The following ADGRL2 variants were observed in gnomAD, a reference collection of about 807,000 sequenced individuals.
ADGRL2 encodes adhesion G protein-coupled receptor L2, also known as calcium-independent alpha-latrotoxin receptor 2.
A neutral mutation model predicts 157.4 loss-of-function variants in ADGRL2; 44 were observed. That is an observed-to-expected ratio of 0.28 (90% CI 0.22 to 0.36). The LOEUF is 0.36. Ranked by LOEUF, ADGRL2 falls within the 10% of genes least tolerant of loss-of-function variation. ADGRL2 has a pLI of 1.00. For missense variants in ADGRL2, 1,510 were observed against 1,768.9 expected, an observed-to-expected ratio of 0.85 and a Z score of 2.63; for synonymous variants, 585 against 624.7, an observed-to-expected ratio of 0.94 and a Z score of 0.95.
intron 2 of ADGRL2, among the ~76,000 whole-genome samples, chr1:81,498,604 G>A (rs1252830803): frequency 6.6e-6 from 1 of 152,198 alleles, no homozygotes; most frequent in East Asian, 1.9e-4. Context: ...TTTATGAGAA[G>A]AGAGTTAACA....
At chr1:81,678,124 A>T (rs752266539) in intron 3 of ADGRL2, among the ~76,000 whole-genome samples, 3 of 152,146 alleles carry the variant, frequency 2.0e-5, no homozygotes, top group Non-Finnish European at 4.4e-5. Context: ...TTCCTGCAGG[A>T]CTTATAATTA....
intron 3 of ADGRL2, among the ~76,000 whole-genome samples, chr1:81,599,585 T>C (rs992011838): frequency 6.6e-6 from 1 of 152,210 alleles, no homozygotes; most frequent in Non-Finnish European, 1.5e-5. Context: ...ATTCCAGTGA[T>C]AATGGAATTA....
intron 2 of ADGRL2, among the ~76,000 whole-genome samples, chr1:81,465,266 C>T (rs1215266197): frequency 2.0e-5 from 3 of 152,022 alleles, no homozygotes; most frequent in Admixed American, 2.0e-4. Flanking sequence ...ATACTAAGTT[C>T]TGATCTTTTT....
chr1:81,705,542 C>G (rs972582808), intron 1 of ADGRL2, among the ~76,000 whole-genome samples: 1 of 151,934 alleles, frequency 6.6e-6, no homozygotes, highest in Admixed American at 6.6e-5. Context: ...GCCATGCGCC[C>G]GGCTGGGAGC....
At chr1:81,638,679 G>A (rs2082158961) in intron 3 of ADGRL2, among the ~76,000 whole-genome samples, 1 of 152,152 alleles carries the variant, frequency 6.6e-6, no homozygotes, top group East Asian at 1.9e-4. Flanking sequence ...TTAAAAACAA[G>A]TATAACTGAT....
intron 1 of ADGRL2, among the ~76,000 whole-genome samples, chr1:81,376,742 C>A (rs1176510189): frequency 6.6e-6 from 1 of 152,144 alleles, no homozygotes; most frequent in East Asian, 1.9e-4. Context: ...AAGATGTACA[C>A]CCCAGGGGCT....
intron 17 of ADGRL2, among the ~76,000 whole-genome samples, chr1:81,977,375 T>G (rs138782467): frequency 0.017 from 2,521 of 151,918 alleles, 46 homozygotes; most frequent in South Asian, 0.06. Context: ...AAAGGATTAA[T>G]TGAGATAAGT....
intron 2 of ADGRL2, among the ~76,000 whole-genome samples, chr1:81,767,942 G>A (rs559396174): frequency 1.3e-5 from 2 of 150,766 alleles, no homozygotes; most frequent in Admixed American, 6.6e-5. Flanking sequence ...CACAACTATT[G>A]TACACAGTAA....
intron 1 of ADGRL2, among the ~76,000 whole-genome samples, chr1:81,433,803 C>T (rs2077363822): frequency 6.6e-6 from 1 of 152,182 alleles, no homozygotes; most frequent in African/African-American, 2.4e-5. Flanking sequence ...GTTGTCCTCA[C>T]TCAGGGTTCA....
chr1:81,502,034 G>C, intron 2 of ADGRL2: 1 of 1,603,522 alleles, frequency 6.2e-7, no homozygotes, highest in Non-Finnish European at 8.5e-7. Context: ...GTTTGAACGG[G>C]GCAACATGAA....
chr1:81,558,643 GA>G (rs371744631), intron 2 of ADGRL2, among the ~76,000 whole-genome samples: 37 of 147,536 alleles, frequency 2.5e-4, no homozygotes, highest in African/African-American at 7.4e-4. Context: ...AAATAACAAT[GA>G]AAAAAAAAAC....
intron 1 of ADGRL2, among the ~76,000 whole-genome samples, chr1:81,430,057 C>T (rs183196671): frequency 1.3e-5 from 2 of 152,030 alleles, no homozygotes. Flanking sequence ...CCACGCCTGG[C>T]TTATTTTGTA....
Position 81,950,362 on chromosome 1 carries a change from A to G in ADGRL2, c.1384A>G (p.Ile462Val), listed in dbSNP as rs199620944. The G allele has an allele frequency of 2.5e-4, 402 of 1,614,072 alleles. 2 individuals are homozygous for G. The highest frequency in any genetic ancestry group is 2.0e-3 in the Admixed American group (119 of 60,012). ...AGTTTCTACAACCAAAATTCCACCT[A>G]TAACAAATATTTTTCCCCTGCCAGA... is the stretch of plus-strand genomic sequence containing the variant. The part of the protein sequence containing the change: ...PAVSTTKIPP[I>V]TNIFPLPERF... Residue 462 changes from isoleucine to valine, a missense_variant, in exon 7 of 24, where the codon ATA becomes GTA. Transcript: ENST00000686636.
At chr1:81,349,558 C>A (rs1194275731) in intron 1 of ADGRL2, among the ~76,000 whole-genome samples, 2 of 150,456 alleles carry the variant, frequency 1.3e-5, no homozygotes, top group Non-Finnish European at 3.0e-5. Context: ...TCCTTCTACC[C>A]CACCCCCACC....
intron 2 of ADGRL2, among the ~76,000 whole-genome samples, chr1:81,466,452 T>G (rs564339280): frequency 7.5e-4 from 114 of 152,256 alleles, no homozygotes; most frequent in African/African-American, 2.7e-3. Context: ...CCTGCTCCAG[T>G]GACTGCCCTG....
intron 2 of ADGRL2, among the ~76,000 whole-genome samples, chr1:81,896,485 G>T (rs2094391052): frequency 6.6e-6 from 1 of 151,936 alleles, no homozygotes; most frequent in Non-Finnish European, 1.5e-5. Flanking sequence ...TGTCCTGTTT[G>T]TATTCTTTAT....
At chr1:81,462,167 C>G (rs371702581) in intron 2 of ADGRL2, among the ~76,000 whole-genome samples, 1 of 151,946 alleles carries the variant, frequency 6.6e-6, no homozygotes, top group East Asian at 1.9e-4. Flanking sequence ...ACCAATCACA[C>G]TCTGTAAGAT....
At chr1:81,650,757 C>A (rs186399457) in intron 3 of ADGRL2, among the ~76,000 whole-genome samples, 5 of 152,092 alleles carry the variant, frequency 3.3e-5, no homozygotes, top group Non-Finnish European at 2.9e-5. Flanking sequence ...AGATTTTTTA[C>A]TTAAAGACCT....
At chr1:81,801,161 A>G (rs1170575105) in intron 1 of ADGRL2, among the ~76,000 whole-genome samples, 93 bp downstream of exon 1, 3 of 152,188 alleles carry the variant, frequency 2.0e-5, no homozygotes, top group Admixed American at 6.5e-5. Flanking sequence ...TTGGGCGACA[A>G]TGAGTTATAG....
Sources: gnomAD v4.1 joint callset for allele counts (sites outside exome capture counted in the v4.1 genomes callset) on GRCh38, gnomAD v4.1.1 for gene constraint, MANE v1.5 for transcripts, NCBI Gene and HGNC (gene_info 2026-07-23, HGNC 2026-07-21) for gene names.